The following ERCC3 variants were observed in gnomAD, a reference collection of about 807,000 sequenced individuals.
The protein encoded by ERCC3 is ERCC excision repair 3, TFIIH core complex helicase subunit.
In ERCC3, 66 loss-of-function variants were observed where a neutral mutation model predicts 94.2. That is an observed-to-expected ratio of 0.70 (90% CI 0.57 to 0.86). The LOEUF is 0.86. ERCC3 is among the 40% of genes least tolerant of loss of function. ERCC3 has a pLI of 0.00. For synonymous variants in ERCC3, 349 were observed against 369.1 expected (o/e 0.95, Z 0.63); for missense variants, 829 against 987.1 (o/e 0.84, Z 2.15).
Position 127,278,633 on chromosome 2 carries a change from G to A in ERCC3, c.1730+540C>T, listed in dbSNP as rs4150466. On this transcript the variant is annotated intron_variant, in intron 10 of 14. Coordinates refer to ENST00000285398, the MANE Select transcript of ERCC3 (RefSeq NM_000122.2). Reference sequence around the variant, plus strand: ...GTCCTGTGTCACTGTAGGAGCAAGCGCAGACCTCTTCCTCCTTACTTGGCA... The same window carrying A: ...GTCCTGTGTCACTGTAGGAGCAAGCACAGACCTCTTCCTCCTTACTTGGCA... Among the ~76,000 whole-genome samples the A allele has an allele frequency of 1.3e-3, 198 of 152,286 alleles. 2 individuals carry two copies. In the South Asian group the frequency reaches 0.018, roughly 14 times the overall value.
At chr2:127,278,461 A>C (rs1354348975) in intron 10 of ERCC3, among the ~76,000 whole-genome samples, 2 of 152,168 alleles carry the variant, frequency 1.3e-5, no homozygotes, top group Non-Finnish European at 2.9e-5. Flanking sequence ...TCTTTCTATG[A>C]GTTTGTCTTC....
At chr2:127,281,084 T>C (rs1410254609) in intron 8 of ERCC3, 3 of 411,792 alleles carry the variant, frequency 7.3e-6, no homozygotes, top group Non-Finnish European at 1.3e-5. Context: ...GAAGTACAGA[T>C]GGCAATTTGA....
rs756001958 is a variant in ERCC3, at chr2:127,289,433, A to G, written c.726T>C (p.Ser242=). 41 of 1,613,216 alleles carry G rather than the reference A, an allele frequency of 2.5e-5. 2 individuals are homozygous for G. In the South Asian group the frequency reaches 4.5e-4, roughly 18 times the overall value. The change falls in exon 6 of 15, where the codon TCT becomes TCC. Residue 242 remains serine, a synonymous_variant. Transcript: ENST00000285398. ...TSRVTDPQGK[S]DIPMDLFDFY... is the part of the protein sequence containing the mutation. ...AGTCAAACAGGTCCATGGGGATGTC[A>G]GATTTACCCTGTGGATCTGTCACTC...
intron 12 of ERCC3, among the ~76,000 whole-genome samples, chr2:127,269,870 A>T (rs1180126358): frequency 1.3e-5 from 2 of 151,904 alleles, no homozygotes; most frequent in Non-Finnish European, 2.9e-5. Flanking sequence ...TACAAAAAAA[A>T]TTAGCTGGAC....
chr2:127,270,807 C>A (rs1191380187), intron 12 of ERCC3, among the ~76,000 whole-genome samples: 2 of 152,186 alleles, frequency 1.3e-5, no homozygotes, highest in Non-Finnish European at 2.9e-5. Context: ...TCAGAAAAAG[C>A]CTTTGCAATG....
In ERCC3 at chr2:127,280,555, T is replaced by G. The variant is rs1214609147; in HGVS notation, c.1419A>C (p.Glu473Asp). The change falls in exon 9 of 15, where the codon GAA becomes GAC. Residue 473 changes from glutamate (E) to aspartate (D), a missense_variant. By Grantham distance (45) the Glu-to-Asp change is conservative. Coordinates refer to ENST00000285398, the MANE Select transcript of ERCC3 (RefSeq NM_000122.2). The surrounding 1 kb of genome is among the most constrained non-coding windows in gnomAD (Gnocchi z 6.3). ...AATTTAAATCCACAATTTTGTCATCTTCGCGGACGAGGGTCGCAGTCAAAC... is the reference window on the plus strand; with the variant it reads ...AATTTAAATCCACAATTTTGTCATCGTCGCGGACGAGGGTCGCAGTCAAAC... ...KLGLTATLVR[E>D]DDKIVDLNFL... 1 of 1,614,204 alleles carries G rather than the reference T, an allele frequency of 6.2e-7. No individual in the cohort carries two copies. Among genetic ancestry groups the G allele is most frequent in the Non-Finnish European group, 8.5e-7 (1 of 1,180,022 alleles).
rs539199594 is a variant in ERCC3, at chr2:127,277,323, T to C, written c.1730+1850A>G. Among the ~76,000 whole-genome samples the C allele has an allele frequency of 9.6e-4, 146 of 152,266 alleles. No individual in the cohort carries two copies. The highest frequency in any genetic ancestry group is 1.4e-3 in the Non-Finnish European group (97 of 68,018). ...TGAAGACTTTGGAGGGGAATAATTA[T>C]TCAATGCACAGAAAACCAAGCAAAA... On this transcript the variant is annotated intron_variant, in intron 10 of 14. Coordinates refer to ENST00000285398, the MANE Select transcript of ERCC3 (RefSeq NM_000122.2). The surrounding 1 kb of genome is among the most constrained non-coding windows in gnomAD (Gnocchi z 5.1).
rs1460059364 is a variant in ERCC3, at chr2:127,272,919, T to G, written c.1773A>C (p.Gln591His). 3 of 1,613,736 alleles carry G rather than the reference T, an allele frequency of 1.9e-6. No homozygotes were observed. In the Admixed American group the frequency reaches 5.0e-5, roughly 27 times the overall value. The change falls in exon 11 of 15, where the codon CAA becomes CAC. Residue 591 changes from glutamine (Q) to histidine (H), a missense_variant. Coordinates refer to ENST00000285398, the MANE Select transcript of ERCC3 (RefSeq NM_000122.2). ...YGPTSQGERMQILQNFKHNPK... is the reference protein window; with the variant it reads ...YGPTSQGERMHILQNFKHNPK... ...GGTTGTGCTTGAAATTCTGGAGAAT[T>G]TGCATCCTTTCCCCCTGAGACGTAG...
chr2:127,260,968 TGA>T, intron 13 of ERCC3: 1 of 486,694 alleles, frequency 2.1e-6, no homozygotes, highest in Non-Finnish European at 3.8e-6. Flanking sequence ...GAGGCATCCC[TGA>T]GAAAGCAGCC....
intron 7 of ERCC3, among the ~76,000 whole-genome samples, chr2:127,287,565 C>T (rs936878571): frequency 5.9e-5 from 9 of 152,054 alleles, no homozygotes; most frequent in African/African-American, 9.7e-5. Flanking sequence ...ACCCAGTAGG[C>T]GGAGGTTGTG....
chr2:127,273,447 T>C (rs1335895047), intron 10 of ERCC3, among the ~76,000 whole-genome samples: 1 of 152,012 alleles, frequency 6.6e-6, no homozygotes, highest in Non-Finnish European at 1.5e-5. Context: ...TTTAAAAACT[T>C]CTCTTTAATT....
rs921626916 is a variant in ERCC3 at position 127,274,342 on chromosome 2, G to GA, written c.1731-1382dup. 6.6e-6 allele frequency among the ~76,000 whole-genome samples: 1 copy of GA among 150,628 alleles called. No homozygotes were observed. The highest frequency in any genetic ancestry group is 1.5e-5 in the Non-Finnish European group (1 of 67,574). ...AAAAAAAAAAAAAAGAAAAAGAAAA[G>GA]AAAAAAATCCAGCCAGCCCTGCCAA... On this transcript the variant is annotated intron_variant, in intron 10 of 14. Transcript: ENST00000285398. The surrounding 1 kb of genome is among the most constrained non-coding windows in gnomAD (Gnocchi z 4.0).
chr2:127,292,464 C>T (rs1054190642), intron 3 of ERCC3, 146 bp downstream of exon 3: 11 of 761,000 alleles, frequency 1.4e-5, no homozygotes, highest in Admixed American at 3.4e-5. Flanking sequence ...CAGAGTGTAG[C>T]GGCTGGGGTA....
intron 12 of ERCC3, among the ~76,000 whole-genome samples, chr2:127,270,014 C>CT (rs1684500517): frequency 7.1e-6 from 1 of 140,802 alleles, no homozygotes; most frequent in Non-Finnish European, 1.6e-5. Flanking sequence ...GAATAAGACT[C>CT]TATCTCAATC....
At position 127,257,383 on chromosome 2, in the gene ERCC3, C is replaced by A; in HGVS notation, c.*213G>T. The A allele has an allele frequency of 1.6e-6, 1 of 628,494 alleles. No individual in the cohort carries two copies. Among genetic ancestry groups the A allele is most frequent in the East Asian group, 2.8e-5 (1 of 35,520 alleles). 38.9% of individuals were successfully genotyped at this position (628,494 alleles called of 1,614,324 possible). Reference sequence around the variant, plus strand: ...TTATATACAGAAATGACCCCACTCCCCAAAAAGTTTGAAAAAATATTGTCT... The same window carrying A: ...TTATATACAGAAATGACCCCACTCCACAAAAAGTTTGAAAAAATATTGTCT... On this transcript the variant is annotated 3_prime_UTR_variant, in exon 15 of 15. Coordinates refer to ENST00000285398, the MANE Select transcript of ERCC3 (RefSeq NM_000122.2). This position sits in a 1 kb window ranked among gnomAD's most constrained non-coding sequence, Gnocchi z 5.4.
At chr2:127,289,228 A>T in intron 6 of ERCC3, 109 bp downstream of exon 6, 1 of 978,846 alleles carries the variant, frequency 1.0e-6, no homozygotes, top group Non-Finnish European at 1.6e-6. Context: ...TCAGGGACCA[A>T]CAGGGACTCC....
chr2:127,287,272 G>A (rs976196312), intron 7 of ERCC3, among the ~76,000 whole-genome samples: 16 of 152,146 alleles, frequency 1.1e-4, no homozygotes, highest in Non-Finnish European at 1.8e-4. Flanking sequence ...TCATTTAAAT[G>A]TCAAAATCTC....
At chr2:127,294,026 G>A in intron 1 of ERCC3, 28 bp downstream of exon 1, 1 of 1,602,688 alleles carries the variant, frequency 6.2e-7, no homozygotes, top group South Asian at 1.1e-5. Flanking sequence ...GGGCAGTCGT[G>A]GCTGAGCGTG....
rs900277731 is a variant in ERCC3, at chr2:127,279,485, G to A, written c.1528-110C>T. 5 of 852,132 alleles carry A rather than the reference G, an allele frequency of 5.9e-6. No homozygotes were observed. The highest frequency in any genetic ancestry group is 9.9e-6 in the Non-Finnish European group (5 of 507,266). 52.8% of individuals were successfully genotyped at this position (852,132 alleles called of 1,614,324 possible). A position where few individuals can be genotyped will look rare whatever the true frequency, so the allele number is the denominator to read the frequency against. On this transcript the variant is annotated intron_variant, in intron 9 of 14. Transcript: ENST00000285398. The surrounding 1 kb of genome is among the most constrained non-coding windows in gnomAD (Gnocchi z 4.7). The stretch of plus-strand genomic sequence containing the variant: ...ATTAGCTTTAAAACAAAACCAGTCA[G>A]GTGCAGTGGCTCATGCCTGTAATGC...
Sources: gnomAD v4.1 joint callset for allele counts (sites outside exome capture counted in the v4.1 genomes callset) on GRCh38, gnomAD v4.1.1 for gene constraint, Gnocchi (gnomAD v3.1) non-coding constraint, MANE v1.5 for transcripts, NCBI Gene and HGNC (gene_info 2026-07-23, HGNC 2026-07-21) for gene names.